Variants in CCDC170 observed in about 807,000 individuals in gnomAD.
CCDC170 encodes the protein coiled-coil domain-containing protein 170.
A neutral mutation model predicts 72.6 loss-of-function variants in CCDC170; 69 were observed. That is an observed-to-expected ratio of 0.95 (90% CI 0.78 to 1.16). The LOEUF (loss-of-function observed/expected upper bound fraction) is 1.16. Ranked by LOEUF, CCDC170 falls within the 50% of genes most tolerant of loss-of-function variation. The pLI, the probability that CCDC170 is intolerant of heterozygous loss-of-function variation, is 0.00. For synonymous variants in CCDC170, 300 were observed against 303.9 expected (o/e 0.99, Z 0.13); for missense variants, 852 against 832.5 (o/e 1.02, Z -0.29).
At position 151,596,258 on chromosome 6, in the gene CCDC170, A is replaced by G. The variant is rs1243392955; in HGVS notation, c.1468-77A>G. 4.2e-6 allele frequency: 6 copies of G among 1,422,764 alleles called. No individual in the cohort carries two copies. In the East Asian group the frequency reaches 1.2e-4, roughly 30 times the overall value. The allele number at this position is 1,422,764 out of a possible 1,614,324, so 88.1% of individuals were successfully genotyped here. ...TCTTATTGAGGTGTAGATAGAGATCAACATTATCTGGGTAACTCATTTATA... is the reference window on the plus strand; with the variant it reads ...TCTTATTGAGGTGTAGATAGAGATCGACATTATCTGGGTAACTCATTTATA... On this transcript the variant is annotated intron_variant, in intron 8 of 10. Transcript: ENST00000239374.
chr6:151,515,642 G>T (rs1248430656), intron 1 of CCDC170, among the ~76,000 whole-genome samples: 1 of 152,188 alleles, frequency 6.6e-6, no homozygotes, highest in Non-Finnish European at 1.5e-5. Context: ...AGAGACAATA[G>T]ATGGTAAATG....
rs115394670 is a variant in CCDC170 at position 151,509,537 on chromosome 6, A to G, written c.57+15352A>G. Among the ~76,000 whole-genome samples the G allele has an allele frequency of 3.2e-3, 495 of 152,330 alleles. 1 individual carries two copies. Among genetic ancestry groups the G allele is most frequent in the African/African-American group, 0.012 (482 of 41,576 alleles). ...TTGAACAGATATTTTTAAGCTTCATAGAACTTTATATTAAACTAAATTATA... is the reference window on the plus strand; with the variant it reads ...TTGAACAGATATTTTTAAGCTTCATGGAACTTTATATTAAACTAAATTATA... On this transcript the variant is annotated intron_variant, in intron 1 of 10. Transcript: ENST00000239374.
intron 1 of CCDC170, among the ~76,000 whole-genome samples, chr6:151,499,981 C>T (rs746671570): frequency 1.3e-5 from 2 of 152,110 alleles, no homozygotes; most frequent in African/African-American, 2.4e-5. Flanking sequence ...ATTGCTGGAT[C>T]CTATGGTAAT....
At position 151,616,634 on chromosome 6, in the gene CCDC170, CTAGGTCGGTGTCT is replaced by C. The variant is rs543028498; in HGVS notation, c.1947+959_1947+971del. Among the ~76,000 whole-genome samples the C allele has an allele frequency of 1.1e-4, 16 of 152,252 alleles. No individual in the cohort carries two copies. The East Asian group carries it at 2.9e-3, about 28-fold the overall frequency. On this transcript the variant is annotated intron_variant, in intron 10 of 10. Coordinates refer to ENST00000239374, the MANE Select transcript of CCDC170 (RefSeq NM_025059.4). ...GAGAGAAACTTTTTCATCAGGGAGA[CTAGGTCGGTGTCT>C]TAGTCCTTTCAGGCTGCTGTAACAA...
At chr6:151,579,230 T>G (rs1230871068) in intron 6 of CCDC170, among the ~76,000 whole-genome samples, 2 of 152,128 alleles carry the variant, frequency 1.3e-5, no homozygotes, top group Non-Finnish European at 2.9e-5. Context: ...TGTTTAGACT[T>G]TTTGGTGTGA....
chr6:151,585,076 G>A (rs933907277), intron 6 of CCDC170, among the ~76,000 whole-genome samples: 5 of 152,126 alleles, frequency 3.3e-5, no homozygotes, highest in Non-Finnish European at 7.4e-5. Context: ...ATCAGTTTGA[G>A]TTTTCTGAGA....
At chr6:151,585,732 A>C (rs1413318454) in intron 6 of CCDC170, among the ~76,000 whole-genome samples, 157 bp from the exon 7 acceptor site, 4 of 152,258 alleles carry the variant, frequency 2.6e-5, no homozygotes, top group African/African-American at 4.8e-5. Flanking sequence ...AAACAGAGGC[A>C]AATACAGCTA....
At chr6:151,561,760 T>C (rs1776038147) in intron 5 of CCDC170, among the ~76,000 whole-genome samples, 1 of 152,048 alleles carries the variant, frequency 6.6e-6, no homozygotes, top group Non-Finnish European at 1.5e-5. Flanking sequence ...TCAACCTCTT[T>C]AGCAAGATTA....
intron 1 of CCDC170, among the ~76,000 whole-genome samples, chr6:151,496,458 G>A (rs1447430705): frequency 5.3e-5 from 8 of 152,106 alleles, no homozygotes; most frequent in Non-Finnish European, 1.2e-4. Context: ...TGCAGAAAAG[G>A]CAGCATTTAT....
chr6:151,514,118 A>G (rs1452709497), intron 1 of CCDC170, among the ~76,000 whole-genome samples: 1 of 151,544 alleles, frequency 6.6e-6, no homozygotes, highest in African/African-American at 2.4e-5. Flanking sequence ...CCTGGACAAC[A>G]TGGTGAAACT....
At chr6:151,532,776 G>T (rs529294911) in intron 1 of CCDC170, among the ~76,000 whole-genome samples, 1 of 152,234 alleles carries the variant, frequency 6.6e-6, no homozygotes, top group South Asian at 2.1e-4. Flanking sequence ...TTTCCAAGAA[G>T]ATTTTGAATT....
chr6:151,593,203 C>A lies in CCDC170; in HGVS notation c.1390C>A (p.Arg464=), dbSNP rs201819308. The A allele has an allele frequency of 3.7e-6, 6 of 1,614,092 alleles. No individual in the cohort carries two copies. Among genetic ancestry groups the A allele is most frequent in the Non-Finnish European group, 4.2e-6 (5 of 1,180,020 alleles). ...FDMRLDVVLA[R]TEQLVRLESN... is the part of the protein sequence containing the mutation. ...CATGCGGCTGGACGTGGTTTTAGCT[C>A]GAACAGAGCAGCTGGTTCGTCTTGA... Residue 464 remains arginine, a synonymous_variant, in exon 8 of 11, where the codon CGA becomes AGA. Coordinates refer to ENST00000239374, the MANE Select transcript of CCDC170 (RefSeq NM_025059.4).
chr6:151,584,880 TTA>T (rs2115103401), intron 6 of CCDC170, among the ~76,000 whole-genome samples: 1 of 152,326 alleles, frequency 6.6e-6, no homozygotes, highest in African/African-American at 2.4e-5. Flanking sequence ...TTTTAAAAAT[TTA>T]GACAGTAAAA....
intron 1 of CCDC170, among the ~76,000 whole-genome samples, chr6:151,510,007 C>T (rs150161143): frequency 0.011 from 1,606 of 152,246 alleles, 27 homozygotes; most frequent in African/African-American, 0.035. Context: ...CCTGTAATCC[C>T]AGCTACTCAG....
intron 10 of CCDC170, among the ~76,000 whole-genome samples, chr6:151,616,228 C>A (rs1368653383): frequency 6.6e-6 from 1 of 151,974 alleles, no homozygotes; most frequent in African/African-American, 2.4e-5. Flanking sequence ...AGGAAACAGC[C>A]CCAAATCTCA....
intron 1 of CCDC170, among the ~76,000 whole-genome samples, chr6:151,517,731 C>A (rs1009317865): frequency 6.6e-6 from 1 of 152,010 alleles, no homozygotes; most frequent in Admixed American, 6.6e-5. Context: ...CGTGAGCCAC[C>A]GTGCCCGGCC....
intron 1 of CCDC170, among the ~76,000 whole-genome samples, chr6:151,504,465 A>T (rs1155409): frequency 0.09 from 13,622 of 152,068 alleles, 722 homozygotes; most frequent in Middle Eastern, 0.16. Flanking sequence ...AATAAATAAA[A>T]TTTTTACCAA....
chr6:151,593,534 T>C (rs988859667), intron 8 of CCDC170, among the ~76,000 whole-genome samples: 2 of 152,064 alleles, frequency 1.3e-5, no homozygotes, highest in African/African-American at 2.4e-5. Flanking sequence ...TTTTTTGTTG[T>C]TGTTGTTTGT....
chr6:151,600,570 C>A (rs1052167558), intron 9 of CCDC170, among the ~76,000 whole-genome samples: 1 of 152,080 alleles, frequency 6.6e-6, no homozygotes, highest in African/African-American at 2.4e-5. Flanking sequence ...CCTGCAAAGG[C>A]CCTTATCTAA....
Sources: gnomAD v4.1 joint callset for allele counts (sites outside exome capture counted in the v4.1 genomes callset) on GRCh38, gnomAD v4.1.1 for gene constraint, MANE v1.5 for transcripts, NCBI Gene and HGNC (gene_info 2026-07-23, HGNC 2026-07-21) for gene names.